Variants in MAOB observed in about 807,000 individuals in gnomAD.
MAOB encodes the protein amine oxidase [flavin-containing] B.
In MAOB, 15 loss-of-function variants were observed where a neutral mutation model predicts 41.9. The ratio of observed to expected loss-of-function variants is 0.36; its 90% CI spans 0.24 to 0.55. The LOEUF is 0.55. MAOB is among the 20% of genes least tolerant of loss of function. The probability of loss-of-function intolerance (pLI) is 0.86; values close to 1 mark genes in which losing one functional copy is unlikely to be tolerated. For missense variants in MAOB, 345 were observed against 398.7 expected, an observed-to-expected ratio of 0.87 and a Z score of 1.15; for synonymous variants, 167 against 144.2, an observed-to-expected ratio of 1.16 and a Z score of -1.13.
chrX:43,824,809 C>T (rs777680225), intron 3 of MAOB, among the ~76,000 whole-genome samples: 11 of 113,614 alleles, frequency 9.7e-5, no homozygotes, highest in African/African-American at 1.9e-4. Context: ...GCCATGTGCA[C>T]GTGCACACAC....
chrX:43,861,353 C>T (rs771739609), intron 1 of MAOB, among the ~76,000 whole-genome samples: 2 of 112,713 alleles, frequency 1.8e-5, no homozygotes, highest in Admixed American at 9.4e-5. Context: ...GTATCAAAAA[C>T]GTATTTTAAT....
intron 8 of MAOB, among the ~76,000 whole-genome samples, chrX:43,791,743 C>T (rs1035731661): frequency 1.8e-4 from 20 of 108,213 alleles, no homozygotes; most frequent in African/African-American, 4.5e-4. Context: ...GGCGACAGAG[C>T]GAGACTCCGT....
intron 1 of MAOB, among the ~76,000 whole-genome samples, chrX:43,858,936 A>T (rs1237827280): frequency 8.9e-6 from 1 of 111,792 alleles, no homozygotes; most frequent in Non-Finnish European, 1.9e-5. Context: ...CAAGGCCTCA[A>T]ATGGAACTCA....
chrX:43,868,126 C>T (rs1393422898), intron 1 of MAOB, among the ~76,000 whole-genome samples: 1 of 112,046 alleles, frequency 8.9e-6, no homozygotes, highest in Non-Finnish European at 1.9e-5. Flanking sequence ...AGGAATTTAT[C>T]TATGGGGAAG....
chrX:43,830,254 G>C (rs2035001971), intron 3 of MAOB, among the ~76,000 whole-genome samples: 1 of 111,077 alleles, frequency 9.0e-6, no homozygotes, highest in Non-Finnish European at 1.9e-5. Context: ...TCTAAACTTA[G>C]GTTTTCTTAG....
chrX:43,881,763 T>G (rs1421519401), intron 1 of MAOB, among the ~76,000 whole-genome samples: 1 of 112,041 alleles, frequency 8.9e-6, no homozygotes, highest in Non-Finnish European at 1.9e-5. Context: ...CCTCAAAGAA[T>G]CAGGAGGGCC....
At chrX:43,881,176 T>C (rs1358134725) in intron 1 of MAOB, among the ~76,000 whole-genome samples, 1 of 113,059 alleles carries the variant, frequency 8.8e-6, no homozygotes, top group Non-Finnish European at 1.9e-5. Flanking sequence ...GACTGGACCA[T>C]GGTCAGCACC....
At chrX:43,788,858 G>GTA (rs1368274487) in intron 8 of MAOB, among the ~76,000 whole-genome samples, 1 of 110,903 alleles carries the variant, frequency 9.0e-6, no homozygotes, top group Admixed American at 9.6e-5. Context: ...TGTATTTCCA[G>GTA]TATATATAGT....
chrX:43,835,137 A>C (rs1290645533), intron 3 of MAOB, among the ~76,000 whole-genome samples: 19 of 112,849 alleles, frequency 1.7e-4, no homozygotes, highest in Admixed American at 3.7e-4. Context: ...CCATACACGC[A>C]TGCACATGTA....
intron 8 of MAOB, among the ~76,000 whole-genome samples, chrX:43,782,235 C>T (rs1476409180): frequency 2.7e-5 from 3 of 110,669 alleles, no homozygotes; most frequent in Non-Finnish European, 3.8e-5. Flanking sequence ...AAATAGACCG[C>T]TAGCCAGACT....
chrX:43,845,185 G>A (rs993339034), intron 1 of MAOB, among the ~76,000 whole-genome samples: 2 of 111,246 alleles, frequency 1.8e-5, no homozygotes, highest in Non-Finnish European at 3.8e-5. Context: ...CTTTCTCAGA[G>A]AACAGAAATC....
chrX:43,776,591 C>T (rs761065184), intron 11 of MAOB, among the ~76,000 whole-genome samples: 3 of 109,906 alleles, frequency 2.7e-5, no homozygotes, highest in East Asian at 5.8e-4. Flanking sequence ...CTTTATTCTC[C>T]AGACCTCTAG....
intron 11 of MAOB, among the ~76,000 whole-genome samples, chrX:43,777,332 T>A (rs1483328159): frequency 4.5e-5 from 5 of 111,505 alleles, no homozygotes; most frequent in Admixed American, 3.8e-4. Flanking sequence ...TTACTCAATA[T>A]CCTTGAGCCT....
At chrX:43,800,918 T>A (rs1256642007) in intron 5 of MAOB, among the ~76,000 whole-genome samples, 2 of 111,325 alleles carry the variant, frequency 1.8e-5, no homozygotes, top group Non-Finnish European at 3.8e-5. Flanking sequence ...TTAATATTAC[T>A]ATTTTTTCCA....
intron 1 of MAOB, among the ~76,000 whole-genome samples, chrX:43,869,110 CT>C (rs1477293064): frequency 9.0e-6 from 1 of 111,344 alleles, no homozygotes; most frequent in Non-Finnish European, 1.9e-5. Context: ...TGTGCTTTTT[CT>C]TTTTCAGTCA....
At chrX:43,847,276 C>T (rs1014483309) in intron 1 of MAOB, among the ~76,000 whole-genome samples, 2 of 110,906 alleles carry the variant, frequency 1.8e-5, no homozygotes, top group Non-Finnish European at 3.8e-5. Context: ...ATCTGGGAGG[C>T]GGAGGTTGCA....
rs147523888 is a variant in MAOB at position 43,808,699 on chromosome X, G to GACACACAC, written c.280-5303_280-5296dup. 9.6e-4 allele frequency among the ~76,000 whole-genome samples: 84 copies of GACACACAC among 87,627 alleles called. 1 individual carries two copies. The South Asian group carries it at 0.012, about 12-fold the overall frequency. The allele number at this position is 87,627 out of a possible 115,157, so 76.1% of individuals were successfully genotyped here. A position where few individuals can be genotyped will look rare whatever the true frequency, so the allele number is the denominator to read the frequency against. On this transcript the variant is annotated intron_variant, in intron 3 of 14. Coordinates refer to ENST00000378069, the MANE Select transcript of MAOB (RefSeq NM_000898.5). ...ATATCTATATCTATATCTACACATA[G>GACACACAC]ACACACACACACACACACACACACA...
rs113529000 is a variant in MAOB, at chrX:43,868,855, TTG to T, written c.46+13397_46+13398del. The stretch of plus-strand genomic sequence containing the variant: ...AGAAAACGTAATTTCACATCAATTC[TTG>T]TGTGTGTGTGTGTGTGTGTGTGTGT... On this transcript the variant is annotated intron_variant, in intron 1 of 14. Coordinates refer to ENST00000378069, the MANE Select transcript of MAOB (RefSeq NM_000898.5). Among the ~76,000 whole-genome samples the T allele has an allele frequency of 2.5e-3, 254 of 103,364 alleles. 4 individuals are homozygous for T. The East Asian group carries it at 0.03, about 12-fold the overall frequency. The allele number at this position is 103,364 out of a possible 115,157, so 89.8% of individuals were successfully genotyped here. A position where few individuals can be genotyped will look rare whatever the true frequency, so the allele number is the denominator to read the frequency against.
rs144109310 is a variant in MAOB at position 43,866,589 on chromosome X, C to T, written c.46+15665G>A. Reference sequence around the variant, plus strand: ...GGGAATGGGGAGTTATTGCTTAATGCGTACAGAGTTTCTGTTTGAGAAGAT... The same window carrying T: ...GGGAATGGGGAGTTATTGCTTAATGTGTACAGAGTTTCTGTTTGAGAAGAT... On this transcript the variant is annotated intron_variant, in intron 1 of 14. Coordinates refer to ENST00000378069, the MANE Select transcript of MAOB (RefSeq NM_000898.5). Among the ~76,000 whole-genome samples, 1,524 of 112,191 alleles carry T rather than the reference C, an allele frequency of 0.014. 41 individuals carry two copies. The South Asian group carries it at 0.17, about 12-fold the overall frequency.
Sources: allele counts gnomAD v4.1 joint callset (sites outside exome capture counted in the v4.1 genomes callset), GRCh38; gene constraint gnomAD v4.1.1; transcripts MANE v1.5; gene names NCBI Gene and HGNC (gene_info 2026-07-23, HGNC 2026-07-21).